Variants in DPH6 observed in about 807,000 individuals in gnomAD.
DPH6 encodes diphthine--ammonia ligase.
DPH6 carries 33 observed loss-of-function variants against 38.2 expected under a neutral mutation model. The ratio of observed to expected loss-of-function variants is 0.86; its 90% CI spans 0.65 to 1.15. The LOEUF is 1.15. Ranked by LOEUF, DPH6 falls within the 50% of genes most tolerant of loss-of-function variation. DPH6 has a pLI of 0.00. For missense variants in DPH6, 325 were observed against 320.0 expected (o/e 1.02, Z -0.12); for synonymous variants, 108 against 103.0 (o/e 1.05, Z -0.30).
chr15:35,172,386 C>T, the DPH6 span, among the ~76,000 whole-genome samples: 4 of 152,158 alleles, frequency 2.6e-5, no homozygotes, highest in East Asian at 1.9e-4. Flanking sequence ...TAACTTGTAC[C>T]GTCATGTTGG....
chr15:35,219,805 G>A (rs1448303419), exon 4 of DPH6: 1 of 152,138 alleles, frequency 6.6e-6, no homozygotes, highest in Non-Finnish European at 1.5e-5. Context: ...AGATTCTTCT[G>A]CTGATGGGAT....
the DPH6 span, among the ~76,000 whole-genome samples, chr15:35,177,580 CAAAAAA>C: frequency 1.7e-5 from 1 of 60,256 alleles, no homozygotes; most frequent in South Asian, 5.5e-4. Flanking sequence ...ATCCCATCTC[CAAAAAA>C]AAAAAAAAAA....
At chr15:35,523,658 T>C (rs1433225287) in intron 3 of DPH6, among the ~76,000 whole-genome samples, 2 of 152,120 alleles carry the variant, frequency 1.3e-5, no homozygotes, top group South Asian at 2.1e-4. Flanking sequence ...TACTGTTCTG[T>C]TATTCCAAGG....
the DPH6 span, among the ~76,000 whole-genome samples, chr15:35,150,555 C>A: frequency 1.3e-5 from 2 of 152,138 alleles, no homozygotes; most frequent in Non-Finnish European, 2.9e-5. Context: ...AACAAATATA[C>A]GTCTGGAAGG....
intron 3 of DPH6, among the ~76,000 whole-genome samples, chr15:35,491,630 G>A (rs952575033): frequency 5.4e-5 from 8 of 149,114 alleles, no homozygotes; most frequent in African/African-American, 2.0e-4. Context: ...ATAGATTTAT[G>A]TCTATATAGA....
intron 3 of DPH6, among the ~76,000 whole-genome samples, chr15:35,364,668 A>G (rs1032563558): frequency 6.6e-6 from 1 of 152,030 alleles, no homozygotes; most frequent in South Asian, 2.1e-4. Context: ...CTTTGAAAGT[A>G]GCCTGTTTTT....
intron 5 of DPH6, among the ~76,000 whole-genome samples, chr15:35,447,616 C>T (rs969981616): frequency 6.6e-6 from 1 of 152,116 alleles, no homozygotes; most frequent in Non-Finnish European, 1.5e-5. Context: ...AGACACTTGG[C>T]TTGTGTTTAT....
intron 2 of DPH6, 63 bp downstream of exon 2, chr15:35,542,350 A>T (rs1158594834): frequency 1.5e-6 from 2 of 1,364,410 alleles, no homozygotes; most frequent in Non-Finnish European, 2.1e-6. Context: ...TACCTGTACA[A>T]TGTAATTATG....
chr15:35,382,019 C>G, intron 6 of DPH6, 103 bp from the exon 7 acceptor site: 1 of 815,454 alleles, frequency 1.2e-6, no homozygotes, highest in Non-Finnish European at 2.0e-6. Flanking sequence ...AACTTTAATT[C>G]CAAAATAGTT....
At chr15:35,450,593 A>G in intron 5 of DPH6, 92 bp downstream of exon 5, 1 of 1,013,028 alleles carries the variant, frequency 9.9e-7, no homozygotes, top group South Asian at 1.5e-5. Context: ...TATATTCTAA[A>G]TCAGTTTTCT....
At chr15:35,238,659 C>T (rs117919604) in intron 3 of DPH6, among the ~76,000 whole-genome samples, 2,130 of 152,308 alleles carry the variant, frequency 0.014, 60 homozygotes, top group Non-Finnish European at 0.011. Flanking sequence ...GCCAAGCCAT[C>T]GCATCCCCTG....
the DPH6 span, among the ~76,000 whole-genome samples, chr15:35,159,197 C>G: frequency 6.6e-6 from 1 of 152,050 alleles, no homozygotes; most frequent in South Asian, 2.1e-4. Context: ...ATTACTTTAT[C>G]TTCTCACTAT....
chr15:35,328,908 T>G (rs2052306435), downstream of DPH6, among the ~76,000 whole-genome samples: 1 of 152,264 alleles, frequency 6.6e-6, no homozygotes, highest in African/African-American at 2.4e-5. Flanking sequence ...CCATCTTACA[T>G]GGATGGCAGC....
intron 3 of DPH6, among the ~76,000 whole-genome samples, chr15:35,229,647 A>T (rs561904858): frequency 1.3e-5 from 2 of 152,106 alleles, no homozygotes; most frequent in South Asian, 4.1e-4. Context: ...GGTATTTATT[A>T]TAGTCTTCAT....
chr15:35,464,535 T>C (rs2054105253), intron 3 of DPH6, among the ~76,000 whole-genome samples: 1 of 152,216 alleles, frequency 6.6e-6, no homozygotes, highest in African/African-American at 2.4e-5. Context: ...ATAGCATTTA[T>C]GTATAAAATC....
intron 3 of DPH6, among the ~76,000 whole-genome samples, chr15:35,253,566 T>C (rs2051688395): frequency 6.6e-6 from 1 of 152,184 alleles, no homozygotes; most frequent in Non-Finnish European, 1.5e-5. Context: ...GGGAACAGAT[T>C]TGATCGACAT....
intron 3 of DPH6, among the ~76,000 whole-genome samples, chr15:35,527,066 C>T (rs192025163): frequency 5.7e-4 from 86 of 152,206 alleles, no homozygotes; most frequent in South Asian, 8.3e-4. Flanking sequence ...CACAACTGAA[C>T]GTTTATCATT....
chr15:35,211,151 C>A, the DPH6 span, among the ~76,000 whole-genome samples: 1 of 151,624 alleles, frequency 6.6e-6, no homozygotes, highest in Admixed American at 6.6e-5. Context: ...TGTTTTTTCA[C>A]TATTGGAAAG....
At chr15:35,252,050 G>A (rs796341984) in intron 3 of DPH6, among the ~76,000 whole-genome samples, 6 of 152,354 alleles carry the variant, frequency 3.9e-5, no homozygotes, top group African/African-American at 1.4e-4. Flanking sequence ...TAAGGCAGGA[G>A]GTAGAGGTTG....
Sources: allele counts gnomAD v4.1 joint callset (sites outside exome capture counted in the v4.1 genomes callset), GRCh38; gene constraint gnomAD v4.1.1; transcripts MANE v1.5; gene names NCBI Gene and HGNC (gene_info 2026-07-23, HGNC 2026-07-21).